ADM: variants seen among roughly 807,000 people sequenced by gnomAD.
The protein encoded by ADM is pro-adrenomedullin.
Under a neutral mutation model 9.0 loss-of-function variants are expected in ADM, and 4 were observed. The observed-to-expected ratio is 0.44, with a 90% CI of 0.22 to 1.02. ADM has a LOEUF of 1.02. ADM is among the 50% of genes least tolerant of loss of function. ADM has a pLI of 0.24. For missense variants in ADM, 253 were observed against 254.1 expected, an observed-to-expected ratio of 1.00 and a Z score of 0.03; for synonymous variants, 107 against 107.2, an observed-to-expected ratio of 1.00 and a Z score of 0.01.
At position 10,306,575 on chromosome 11, in the gene ADM, G is replaced by A. The variant is rs1459924846; in HGVS notation, c.492G>A (p.Val164=). ...AGGCCGGCCCGGGTCGGACTCTGGT[G>A]TCTTCTAAGCCACAAGCACACGGGG... ...LPEAGPGRTL[V]SSKPQAHGAP... is the part of the protein sequence containing the mutation. The change falls in exon 4 of 4, where the codon GTG becomes GTA. Residue 164 remains valine (V), a synonymous_variant. Transcript: ENST00000278175. The A allele has an allele frequency of 1.2e-6, 2 of 1,611,856 alleles. No homozygotes were observed. Among genetic ancestry groups the A allele is most frequent in the South Asian group, 2.2e-5 (2 of 90,954 alleles).
rs767028428 is a variant in ADM at position 10,306,344 on chromosome 11, C to G, written c.261C>G (p.Ala87=). 4 of 1,609,898 alleles carry G rather than the reference C, an allele frequency of 2.5e-6. No individual in the cohort carries two copies. The highest frequency in any genetic ancestry group is 1.1e-5 in the South Asian group (1 of 90,900). ...SRSPEDSSPD[A]ARIRVKRYRQ... is the part of the protein sequence containing the mutation. ...CCCCCGCCCGCAGCAGTCCGGATGC[C>G]GCCCGCATCCGAGTCAAGCGCTACC... Residue 87 remains alanine (A), a synonymous_variant, in exon 4 of 4, where the codon GCC becomes GCG. Transcript: ENST00000278175.
chr11:10,305,568 G>A, intron 1 of ADM, 112 bp from the exon 2 acceptor site: 4 of 850,252 alleles, frequency 4.7e-6, no homozygotes, highest in Non-Finnish European at 7.3e-6. Flanking sequence ...CTGAGCCAGG[G>A]AAAGCGCGGG....
At position 10,306,524 on chromosome 11, in the gene ADM, C is replaced by G; in HGVS notation, c.441C>G (p.Gly147=). 6.2e-7 allele frequency: 1 copy of G among 1,612,206 alleles called. No individual in the cohort carries two copies. The highest frequency in any genetic ancestry group is 8.5e-7 in the Non-Finnish European group (1 of 1,179,366). Residue 147 remains glycine, a synonymous_variant, in exon 4 of 4, where the codon GGC becomes GGG. Transcript: ENST00000278175. The part of the protein sequence containing the change: ...PRSKISPQGY[G]RRRRRSLPEA... ...GCAAGATCAGCCCCCAGGGCTACGG[C>G]CGCCGGCGCCGGCGCTCCCTGCCCG...
rs901039918 is a variant in ADM, at chr11:10,306,732, G to A, written c.*91G>A. The A allele has an allele frequency of 1.0e-5, 14 of 1,355,012 alleles. No homozygotes were observed. The Admixed American group carries it at 2.7e-4, about 26-fold the overall frequency. The allele number at this position is 1,355,012 out of a possible 1,614,324, so 83.9% of individuals were successfully genotyped here. A position where few individuals can be genotyped will look rare whatever the true frequency, so the allele number is the denominator to read the frequency against. ...GGACTTCCCGAGCGGTGTGGGGACC[G>A]GGCTCTGACAGCCCTGCGGAGACCC... On this transcript the variant is annotated 3_prime_UTR_variant, in exon 4 of 4. Coordinates refer to ENST00000278175, the MANE Select transcript of ADM (RefSeq NM_001124.3).
chr11:10,305,644 G>A (rs958305618), intron 1 of ADM, 36 bp from the exon 2 acceptor site: 4 of 1,575,498 alleles, frequency 2.5e-6, no homozygotes, highest in East Asian at 2.3e-5. Context: ...CAGCTGGCCC[G>A]GGTGCTCACG....
At position 10,307,294 on chromosome 11, in the gene ADM, A is replaced by G. The variant is rs1964673178; in HGVS notation, c.*653A>G. 6.6e-6 allele frequency: 1 copy of G among 152,670 alleles called. No homozygotes were observed. The highest frequency in any genetic ancestry group is 6.5e-5 in the Admixed American group (1 of 15,292). The allele number at this position is 152,670 out of a possible 1,614,324, so 9.5% of individuals were successfully genotyped here. A position where few individuals can be genotyped will look rare whatever the true frequency, so the allele number is the denominator to read the frequency against. On this transcript the variant is annotated 3_prime_UTR_variant, in exon 4 of 4. Transcript: ENST00000278175. This position sits in a 1 kb window ranked among gnomAD's most constrained non-coding sequence, Gnocchi z 4.5. Reference sequence around the variant, plus strand: ...TTGTGTGCATGAAAGAGAAAGACTGATTACCTCCTGTGTGGAAGAAGGAAA... The same window carrying G: ...TTGTGTGCATGAAAGAGAAAGACTGGTTACCTCCTGTGTGGAAGAAGGAAA...
In ADM at chr11:10,306,345, G is replaced by T. The variant is rs752136972; in HGVS notation, c.262G>T (p.Ala88Ser). 1 of 1,567,186 alleles carries T rather than the reference G, an allele frequency of 6.4e-7. No homozygotes were observed. The highest frequency in any genetic ancestry group is 1.1e-5 in the South Asian group (1 of 89,542). The change falls in exon 4 of 4, where the codon GCC (alanine) becomes TCC (serine). Residue 88 changes from alanine to serine, a missense_variant. By Grantham distance (99) the Ala-to-Ser change is moderately conservative. Transcript: ENST00000278175. ...CCCCGCCCGCAGCAGTCCGGATGCC[G>T]CCCGCATCCGAGTCAAGCGCTACCG... Reference protein sequence around the residue: ...RSPEDSSPDAARIRVKRYRQS... With the variant: ...RSPEDSSPDASRIRVKRYRQS...
chr11:10,305,510 C>A, intron 1 of ADM, 170 bp from the exon 2 acceptor site: 1 of 599,170 alleles, frequency 1.7e-6, no homozygotes, highest in Non-Finnish European at 2.9e-6. Context: ...ACCCGGCCGG[C>A]GCGTGCAAAC....
In ADM at chr11:10,307,393, G is replaced by C. The variant is rs192534446; in HGVS notation, c.*752G>C. 2.6e-5 allele frequency: 4 copies of C among 152,732 alleles called. No individual in the cohort carries two copies. In the East Asian group the frequency reaches 7.7e-4, roughly 29 times the overall value. The allele number at this position is 152,732 out of a possible 1,614,324, so 9.5% of individuals were successfully genotyped here. A position where few individuals can be genotyped will look rare whatever the true frequency, so the allele number is the denominator to read the frequency against. On this transcript the variant is annotated 3_prime_UTR_variant, in exon 4 of 4. Transcript: ENST00000278175. The surrounding 1 kb of genome is among the most constrained non-coding windows in gnomAD (Gnocchi z 4.5). ...CAGCAAACCAATAAACTGTCTCAAT[G>C]CTGATTCATTCTCTCGGCTCGGCTC...
In ADM at chr11:10,306,666, A is replaced by T. The variant is rs765261625; in HGVS notation, c.*25A>T. ...GGATTTAGGCGCCCATGGTACAAGG[A>T]ATAGTCGCGCAAGCATCCCGCTGGT... is the stretch of plus-strand genomic sequence containing the variant. On this transcript the variant is annotated 3_prime_UTR_variant, in exon 4 of 4. Transcript: ENST00000278175. 2.7e-6 allele frequency: 4 copies of T among 1,502,726 alleles called. No individual in the cohort carries two copies. The highest frequency in any genetic ancestry group is 4.7e-5 in the Admixed American group (2 of 42,370). The allele number at this position is 1,502,726 out of a possible 1,614,324, so 93.1% of individuals were successfully genotyped here.
chr11:10,306,128 G>A, intron 3 of ADM, 30 bp downstream of exon 3: 2 of 1,609,716 alleles, frequency 1.2e-6, no homozygotes, highest in Non-Finnish European at 1.7e-6. Flanking sequence ...TCCAGGGACG[G>A]GAGGGAAGGA....
At chr11:10,306,289 T>TA (rs1440635402) in intron 3 of ADM, 43 bp from the exon 4 acceptor site, 1 of 1,598,594 alleles carries the variant, frequency 6.3e-7, no homozygotes, top group Non-Finnish European at 8.5e-7. Context: ...CTCTGCTTGA[T>TA]GGGGTCTCAA....
chr11:10,306,313 C>CGGGG lies in ADM; in HGVS notation c.249-19_249-18insGGGG. The CGGGG allele has an allele frequency of 1.3e-6, 1 of 792,710 alleles. No homozygotes were observed. Among genetic ancestry groups the CGGGG allele is most frequent in the Non-Finnish European group, 2.0e-6 (1 of 502,122 alleles). 49.1% of individuals were successfully genotyped at this position (792,710 alleles called of 1,614,324 possible). On this transcript the variant is annotated intron_variant, in intron 3 of 3. Coordinates refer to ENST00000278175, the MANE Select transcript of ADM (RefSeq NM_001124.3). ...ATGGGGTCTCAAGTTGCCTTTCTTCCCCCTCCCCCCGCCCGCAGCAGTCCG... is the reference window on the plus strand; with the variant it reads ...ATGGGGTCTCAAGTTGCCTTTCTTCCGGGGCCCTCCCCCCGCCCGCAGCAGTCCG...
chr11:10,306,512 C>T lies in ADM; in HGVS notation c.429C>T (p.Pro143=), dbSNP rs768891270. The change falls in exon 4 of 4, where the codon CCC becomes CCT. Residue 143 remains proline (P), a synonymous_variant. Transcript: ENST00000278175. Reference sequence around the variant, plus strand: ...TCGCCCCCAGGAGCAAGATCAGCCCCCAGGGCTACGGCCGCCGGCGCCGGC... The same window carrying T: ...TCGCCCCCAGGAGCAAGATCAGCCCTCAGGGCTACGGCCGCCGGCGCCGGC... ...DNVAPRSKIS[P]QGYGRRRRRS... 1 of 1,613,082 alleles carries T rather than the reference C, an allele frequency of 6.2e-7. No homozygotes were observed. The highest frequency in any genetic ancestry group is 8.5e-7 in the Non-Finnish European group (1 of 1,179,760).
rs1468387896 is a variant in ADM, at chr11:10,306,120, C to G, written c.248+22C>G. 2.5e-6 allele frequency: 4 copies of G among 1,611,934 alleles called. 1 individual carries two copies. The South Asian group carries it at 4.4e-5, about 18-fold the overall frequency. ...ACAGGTAACTACGCCCTGTGCTGTC[C>G]AGGGACGGGAGGGAAGGAAGGTGTG... On this transcript the variant is annotated intron_variant, in intron 3 of 3. Coordinates refer to ENST00000278175, the MANE Select transcript of ADM (RefSeq NM_001124.3).
At position 10,306,642 on chromosome 11, in the gene ADM, G is replaced by A. The variant is rs1964663385; in HGVS notation, c.*1G>A. 6.6e-7 allele frequency: 1 copy of A among 1,524,010 alleles called. No individual in the cohort carries two copies. The highest frequency in any genetic ancestry group is 8.8e-7 in the Non-Finnish European group (1 of 1,138,646). The allele number at this position is 1,524,010 out of a possible 1,614,324, so 94.4% of individuals were successfully genotyped here. On this transcript the variant is annotated 3_prime_UTR_variant, in exon 4 of 4. Transcript: ENST00000278175. ...TGGAAGTGCTCCCCACTTTCTTTAG[G>A]ATTTAGGCGCCCATGGTACAAGGAA...
chr11:10,306,732 G>C lies in ADM; in HGVS notation c.*91G>C, dbSNP rs901039918. The C allele has an allele frequency of 1.8e-5, 24 of 1,355,012 alleles. No homozygotes were observed. Among genetic ancestry groups the C allele is most frequent in the Non-Finnish European group, 2.4e-5 (24 of 1,009,116 alleles). The allele number at this position is 1,355,012 out of a possible 1,614,324, so 83.9% of individuals were successfully genotyped here. A position where few individuals can be genotyped will look rare whatever the true frequency, so the allele number is the denominator to read the frequency against. ...GGACTTCCCGAGCGGTGTGGGGACCGGGCTCTGACAGCCCTGCGGAGACCC... is the reference window on the plus strand; with the variant it reads ...GGACTTCCCGAGCGGTGTGGGGACCCGGCTCTGACAGCCCTGCGGAGACCC... On this transcript the variant is annotated 3_prime_UTR_variant, in exon 4 of 4. Coordinates refer to ENST00000278175, the MANE Select transcript of ADM (RefSeq NM_001124.3).
rs1964648248 is a variant in ADM, at chr11:10,305,791, C to G, written c.91C>G (p.Arg31Gly). The change falls in exon 2 of 4, where the codon CGA becomes GGA. Residue 31 changes from arginine to glycine, a missense_variant. Physicochemically the swap from Arg to Gly is moderately radical, Grantham distance 125 (BLOSUM62 -2). Transcript: ENST00000278175. ...TCGGTTGGATGTCGCGTCGGAGTTT[C>G]GAAAGAAGTGAGTCCGGGCAGCGCC... ...TARLDVASEF[R>G]KKWNKWALSR... is the part of the protein sequence containing the mutation. 6.2e-7 allele frequency: 1 copy of G among 1,614,030 alleles called. No homozygotes were observed.
Position 10,306,741 on chromosome 11 carries a change from C to A in ADM, c.*100C>A. The A allele has an allele frequency of 1.5e-6, 2 of 1,292,290 alleles. No homozygotes were observed. The highest frequency in any genetic ancestry group is 2.1e-6 in the Non-Finnish European group (2 of 956,232). 80.1% of individuals were successfully genotyped at this position (1,292,290 alleles called of 1,614,324 possible). A position where few individuals can be genotyped will look rare whatever the true frequency, so the allele number is the denominator to read the frequency against. ...GAGCGGTGTGGGGACCGGGCTCTGA[C>A]AGCCCTGCGGAGACCCTGAGTCCGG... is the stretch of plus-strand genomic sequence containing the variant. On this transcript the variant is annotated 3_prime_UTR_variant, in exon 4 of 4. Transcript: ENST00000278175.
Sources: allele counts gnomAD v4.1 joint callset, GRCh38; gene constraint gnomAD v4.1.1; non-coding constraint Gnocchi (gnomAD v3.1); transcripts MANE v1.5; gene names NCBI Gene and HGNC (gene_info 2026-07-23, HGNC 2026-07-21).